Variants in PDE4D observed in about 807,000 individuals in gnomAD.
The protein encoded by PDE4D is 3',5'-cyclic-AMP phosphodiesterase 4D.
A neutral mutation model predicts 87.4 loss-of-function variants in PDE4D; 24 were observed. The ratio of observed to expected loss-of-function variants is 0.27; its 90% CI spans 0.20 to 0.39. The LOEUF is 0.39. PDE4D is among the 10% of genes least tolerant of loss of function. The probability of loss-of-function intolerance (pLI) is 1.00; values close to 1 mark genes in which losing one functional copy is unlikely to be tolerated. For synonymous variants in PDE4D, 384 were observed against 383.2 expected, an observed-to-expected ratio of 1.00 and a Z score of -0.02; for missense variants, 714 against 1,041.0, an observed-to-expected ratio of 0.69 and a Z score of 4.32.
chr5:60,027,314 G>C (rs1766744400), intron 2 of PDE4D, among the ~76,000 whole-genome samples: 1 of 152,096 alleles, frequency 6.6e-6, no homozygotes, highest in Non-Finnish European at 1.5e-5. Flanking sequence ...TTATAAGTGA[G>C]AACATGAGGT....
intron 3 of PDE4D, among the ~76,000 whole-genome samples, chr5:59,916,428 A>T (rs1048764288): frequency 1.3e-5 from 2 of 152,234 alleles, no homozygotes; most frequent in Non-Finnish European, 1.5e-5. Context: ...AAACAAAAAA[A>T]AGTCCCAGAC....
At chr5:60,498,644 A>T (rs1749930160) in intron 1 of PDE4D, among the ~76,000 whole-genome samples, 1 of 152,206 alleles carries the variant, frequency 6.6e-6, no homozygotes, top group Admixed American at 6.5e-5. Flanking sequence ...GTATGATCAA[A>T]TCCAAACAGC....
At chr5:60,289,279 C>CA (rs1277559966) in intron 1 of PDE4D, among the ~76,000 whole-genome samples, 2 of 152,050 alleles carry the variant, frequency 1.3e-5, no homozygotes, top group Admixed American at 6.6e-5. Context: ...TCACCCCCCT[C>CA]AAAAAAATAA....
chr5:59,240,995 G>A (rs1163181895), intron 1 of PDE4D, among the ~76,000 whole-genome samples: 1 of 152,114 alleles, frequency 6.6e-6, no homozygotes, highest in Non-Finnish European at 1.5e-5. Context: ...TATGTGATGA[G>A]TCTTTATGAG....
At chr5:60,340,177 C>T (rs992358694) in intron 1 of PDE4D, among the ~76,000 whole-genome samples, 1 of 152,254 alleles carries the variant, frequency 6.6e-6, no homozygotes, top group Non-Finnish European at 1.5e-5. Flanking sequence ...TTCAGGGAAT[C>T]CCTGCTTACA....
chr5:59,811,708 C>T (rs1768368245), intron 1 of PDE4D, among the ~76,000 whole-genome samples: 1 of 152,198 alleles, frequency 6.6e-6, no homozygotes, highest in Non-Finnish European at 1.5e-5. Flanking sequence ...GTGTGAGTTT[C>T]AGACTCTGGA....
At chr5:59,368,339 A>T (rs1582192837) in intron 1 of PDE4D, among the ~76,000 whole-genome samples, 1 of 152,218 alleles carries the variant, frequency 6.6e-6, no homozygotes, top group African/African-American at 2.4e-5. Context: ...AAAATTGGGG[A>T]CTACATTAAA....
At chr5:60,177,610 G>A (rs1784033097) in intron 2 of PDE4D, among the ~76,000 whole-genome samples, 1 of 152,148 alleles carries the variant, frequency 6.6e-6, no homozygotes, top group South Asian at 2.1e-4. Context: ...GGAAAGGATA[G>A]TCATTTGTTA....
chr5:59,344,143 G>C (rs544302807), intron 1 of PDE4D, among the ~76,000 whole-genome samples: 48 of 152,242 alleles, frequency 3.2e-4, no homozygotes, highest in Non-Finnish European at 6.0e-4. Context: ...TATGGGGGAA[G>C]AGGTTTTTCA....
At chr5:59,284,096 T>C (rs1766393899) in intron 1 of PDE4D, among the ~76,000 whole-genome samples, 1 of 152,224 alleles carries the variant, frequency 6.6e-6, no homozygotes, top group South Asian at 2.1e-4. Flanking sequence ...CACGCATTTC[T>C]GGCAGGATTA....
chr5:58,993,540 A>G (rs1431627480), intron 6 of PDE4D, 75 bp from the exon 7 acceptor site: 5 of 875,796 alleles, frequency 5.7e-6, no homozygotes, highest in Non-Finnish European at 7.1e-6. Context: ...ACTCTGAGAT[A>G]CAGGAAGATA....
At chr5:59,532,619 CT>C (rs1814447306) in intron 1 of PDE4D, among the ~76,000 whole-genome samples, 1 of 152,106 alleles carries the variant, frequency 6.6e-6, no homozygotes, top group African/African-American at 2.4e-5. Context: ...TGATACTATA[CT>C]TTTTAAGTCG....
intron 1 of PDE4D, among the ~76,000 whole-genome samples, chr5:60,463,636 G>A (rs1313601067): frequency 2.0e-5 from 3 of 152,178 alleles, no homozygotes; most frequent in African/African-American, 7.2e-5. Flanking sequence ...CTCTGCTAGA[G>A]CAGTACAGGC....
chr5:59,666,036 C>T (rs1306966329), intron 1 of PDE4D, among the ~76,000 whole-genome samples: 1 of 152,214 alleles, frequency 6.6e-6, no homozygotes, highest in African/African-American at 2.4e-5. Flanking sequence ...TCTCTGCTCA[C>T]TGCAAGCTCT....
chr5:59,651,739 A>G (rs2150241754), intron 1 of PDE4D, among the ~76,000 whole-genome samples: 1 of 152,296 alleles, frequency 6.6e-6, no homozygotes, highest in South Asian at 2.1e-4. Context: ...CTAGATTAGG[A>G]GACAGAAAGA....
intron 1 of PDE4D, among the ~76,000 whole-genome samples, chr5:59,607,837 T>C (rs1340122666): frequency 6.6e-6 from 1 of 152,122 alleles, no homozygotes; most frequent in Non-Finnish European, 1.5e-5. Context: ...TTGGTTACAC[T>C]GCACAGTTTG....
intron 1 of PDE4D, among the ~76,000 whole-genome samples, chr5:60,194,407 G>T (rs1002329632): frequency 1.3e-5 from 2 of 151,504 alleles, no homozygotes; most frequent in African/African-American, 2.4e-5. Context: ...ACTTCACGGG[G>T]TCTTCTTATT....
chr5:59,475,701 C>G (rs936725551), intron 1 of PDE4D, among the ~76,000 whole-genome samples: 1 of 152,030 alleles, frequency 6.6e-6, no homozygotes, highest in Non-Finnish European at 1.5e-5. Context: ...GGCTTAGCCT[C>G]TTACACAGTG....
intron 6 of PDE4D, among the ~76,000 whole-genome samples, chr5:59,012,894 T>C (rs62358490): frequency 6.6e-6 from 1 of 152,100 alleles, no homozygotes; most frequent in Admixed American, 6.5e-5. Flanking sequence ...ACTGACCACA[T>C]AGTTGGAAGT....
Sources: allele counts gnomAD v4.1 joint callset (sites outside exome capture counted in the v4.1 genomes callset), GRCh38; gene constraint gnomAD v4.1.1; transcripts MANE v1.5; gene names NCBI Gene and HGNC (gene_info 2026-07-23, HGNC 2026-07-21).